SCIMP: variants seen among roughly 807,000 people sequenced by gnomAD.
The protein encoded by SCIMP is SLP adapter and CSK-interacting membrane protein.
In SCIMP, 18 loss-of-function variants were observed where a neutral mutation model predicts 22.0. The ratio of observed to expected loss-of-function variants is 0.82; its 90% confidence interval spans 0.56 to 1.21. The LOEUF (loss-of-function observed/expected upper bound fraction) is 1.21, where lower values mean the gene tolerates loss of function less well. Among genes scored for constraint, SCIMP ranks in the 50% most tolerant of loss-of-function variants. The probability of loss-of-function intolerance (pLI) is 0.00; values close to 1 mark genes in which losing one functional copy is unlikely to be tolerated. For missense variants in SCIMP, 155 were observed against 171.2 expected, an observed-to-expected ratio of 0.91 and a Z score of 0.53; for synonymous variants, 53 against 62.2, an observed-to-expected ratio of 0.85 and a Z score of 0.70.
chr17:5,219,042 G>A (rs545042005), intron 3 of SCIMP, among the ~76,000 whole-genome samples: 24 of 152,240 alleles, frequency 1.6e-4, no homozygotes, highest in African/African-American at 3.9e-4. Flanking sequence ...GTCTCCGGCC[G>A]GGCGTGGTGG....
chr17:5,214,860 A>G, intron 4 of SCIMP, 65 bp downstream of exon 4: 1 of 792,384 alleles, frequency 1.3e-6, no homozygotes, highest in Non-Finnish European at 2.1e-6. Context: ...AAAAAAAAAA[A>G]AAGACACCTT....
chr17:5,224,869 T>G (rs2074635426), intron 1 of SCIMP, among the ~76,000 whole-genome samples: 2 of 151,902 alleles, frequency 1.3e-5, no homozygotes, highest in African/African-American at 4.8e-5. Context: ...TCTCTTTGAG[T>G]GAGTTATGGT....
chr17:5,227,213 G>C (rs1055339340), intron 1 of SCIMP, among the ~76,000 whole-genome samples: 1 of 151,838 alleles, frequency 6.6e-6, no homozygotes, highest in Non-Finnish European at 1.5e-5. Context: ...GGCCAAGGCA[G>C]GCGGATCACT....
At chr17:5,225,671 A>G (rs984694851) in intron 1 of SCIMP, among the ~76,000 whole-genome samples, 1 of 151,822 alleles carries the variant, frequency 6.6e-6, no homozygotes, top group Non-Finnish European at 1.5e-5. Flanking sequence ...CTGAGGCAAG[A>G]GAATTGCTTG....
At chr17:5,232,695 TG>T (rs1204475214) in intron 1 of SCIMP, among the ~76,000 whole-genome samples, 4 of 151,802 alleles carry the variant, frequency 2.6e-5, no homozygotes, top group African/African-American at 9.7e-5. Context: ...AGTGAGGCCT[TG>T]TTCCCACTCG....
intron 1 of SCIMP, among the ~76,000 whole-genome samples, chr17:5,233,009 G>C (rs928296979): frequency 6.6e-6 from 1 of 152,046 alleles, no homozygotes; most frequent in Non-Finnish European, 1.5e-5. Flanking sequence ...ACTGAGCCTC[G>C]CTCCACTTGT....
chr17:5,226,888 C>A (rs886612133), intron 1 of SCIMP, among the ~76,000 whole-genome samples: 1 of 152,060 alleles, frequency 6.6e-6, no homozygotes, highest in Non-Finnish European at 1.5e-5. Context: ...AGAATCACAT[C>A]CTAGTTCCAG....
rs1312616681 is a variant in SCIMP, at chr17:5,222,777, G to A, written c.145+556C>T. 3.3e-5 allele frequency among the ~76,000 whole-genome samples: 5 copies of A among 152,002 alleles called. No individual in the cohort carries two copies. In the East Asian group the frequency reaches 9.7e-4, roughly 29 times the overall value. ...CCTCCTGGATTCAAGTGATTCTCCTGCCTCAGCCTCCTGAGTAGCTGGGAT... is the reference window on the plus strand; with the variant it reads ...CCTCCTGGATTCAAGTGATTCTCCTACCTCAGCCTCCTGAGTAGCTGGGAT... On this transcript the variant is annotated intron_variant, in intron 2 of 4. Coordinates refer to ENST00000574081, the MANE Select transcript of SCIMP (RefSeq NM_207103.3).
chr17:5,216,241 G>C (rs1394048651), intron 3 of SCIMP, among the ~76,000 whole-genome samples: 1 of 152,008 alleles, frequency 6.6e-6, no homozygotes, highest in Non-Finnish European at 1.5e-5. Context: ...GTACTCCCAC[G>C]GTGGAATGTT....
intron 1 of SCIMP, among the ~76,000 whole-genome samples, chr17:5,224,929 G>C (rs747203054): frequency 6.6e-6 from 1 of 152,154 alleles, no homozygotes; most frequent in Non-Finnish European, 1.5e-5. Flanking sequence ...ATCTGCATGA[G>C]AGAGTTAACA....
chr17:5,215,000 TAGAG>T lies in SCIMP; in HGVS notation c.210-6_210-3del. On this transcript the variant is annotated splice_region_variant and splice_polypyrimidine_tract_variant and intron_variant, in intron 3 of 4. Coordinates refer to ENST00000574081, the MANE Select transcript of SCIMP (RefSeq NM_207103.3). ...ACTGGCGACTCATTAAGAACATTCC[TAGAG>T]AGAGAGAAAGAGAGAGAATCAGTGT... 2 of 1,599,904 alleles carry T rather than the reference TAGAG, an allele frequency of 1.3e-6. No homozygotes were observed. The highest frequency in any genetic ancestry group is 1.7e-6 in the Non-Finnish European group (2 of 1,167,320).
rs2074623848 is a variant in SCIMP, at chr17:5,223,491, A to G, written c.22-35T>C. On this transcript the variant is annotated intron_variant, in intron 1 of 4. Transcript: ENST00000574081. ...ATGGAGAGAGAAGAATGAGGTATGA[A>G]TGAAAGATATCCTGGGGTTGGGTGG... 5.6e-6 allele frequency: 9 copies of G among 1,610,480 alleles called. No homozygotes were observed. The East Asian group carries it at 2.0e-4, about 36-fold the overall frequency.
In SCIMP at chr17:5,221,284, TACTC is replaced by T. The variant is rs1308419064; in HGVS notation, c.208_209+2del. On this transcript the variant is annotated splice_donor_variant and coding_sequence_variant, in exon 3 of 5. Transcript: ENST00000574081. LOFTEE classifies it high-confidence loss of function. The stretch of plus-strand genomic sequence containing the variant: ...AAAAGCGGAAGGATTCCCCCCTACT[TACTC>T]ATACATCTTTTCTTCATCTACTTGC... The T allele has an allele frequency of 1.9e-6, 3 of 1,609,446 alleles. No individual in the cohort carries two copies. The highest frequency in any genetic ancestry group is 1.1e-5 in the South Asian group (1 of 91,010).
At chr17:5,227,292 A>ACAACACAC (rs35959402) in intron 1 of SCIMP, among the ~76,000 whole-genome samples, 2 of 144,328 alleles carry the variant, frequency 1.4e-5, no homozygotes, top group East Asian at 4.2e-4. Flanking sequence ...ACACACACAC[A>ACAACACAC]ACACACACAC....
intron 1 of SCIMP, among the ~76,000 whole-genome samples, chr17:5,231,379 GAAA>G (rs1329834208): frequency 2.7e-5 from 4 of 150,898 alleles, no homozygotes; most frequent in Non-Finnish European, 5.9e-5. Context: ...AAAAAGAAAA[GAAA>G]AAAAGTTGTT....
intron 3 of SCIMP, among the ~76,000 whole-genome samples, chr17:5,215,905 A>G (rs2074562270): frequency 6.6e-6 from 1 of 152,146 alleles, no homozygotes; most frequent in African/African-American, 2.4e-5. Context: ...ATTATGGTAA[A>G]GTGACTGGGC....
At chr17:5,212,163 T>G (rs182658123) in intron 4 of SCIMP, among the ~76,000 whole-genome samples, 1 of 152,354 alleles carries the variant, frequency 6.6e-6, no homozygotes, top group African/African-American at 2.4e-5. Context: ...GGATTGGAAC[T>G]GCCTCTCCCA....
chr17:5,210,571 CCCTCT>C lies in SCIMP; in HGVS notation c.*225_*229del, dbSNP rs2074519191. ...GTTTCCTCAACAGCACAAGGCTGAC[CCCTCT>C]AAGTCCTCAGAGCCGAGCACCCATG... On this transcript the variant is annotated 3_prime_UTR_variant, in exon 5 of 5. Coordinates refer to ENST00000574081, the MANE Select transcript of SCIMP (RefSeq NM_207103.3). 1.0e-5 allele frequency: 5 copies of C among 491,278 alleles called. No individual in the cohort carries two copies. Among genetic ancestry groups the C allele is most frequent in the Non-Finnish European group, 1.7e-5 (5 of 287,786 alleles). 30.4% of individuals were successfully genotyped at this position (491,278 alleles called of 1,614,324 possible). A position where few individuals can be genotyped will look rare whatever the true frequency, so the allele number is the denominator to read the frequency against.
At chr17:5,228,217 G>A (rs1479208605) in intron 1 of SCIMP, among the ~76,000 whole-genome samples, 1 of 151,730 alleles carries the variant, frequency 6.6e-6, no homozygotes, top group African/African-American at 2.4e-5. Context: ...ATGGTGGCAC[G>A]CGCCTGTGGC....
Sources: allele counts gnomAD v4.1 joint callset (sites outside exome capture counted in the v4.1 genomes callset), GRCh38; gene constraint gnomAD v4.1.1; transcripts MANE v1.5; gene names NCBI Gene and HGNC (gene_info 2026-07-23, HGNC 2026-07-21).